SGCZ: variants seen among roughly 807,000 people sequenced by gnomAD.
SGCZ encodes zeta-sarcoglycan.
Under a neutral mutation model 41.3 loss-of-function variants are expected in SGCZ, and 40 were observed. The observed-to-expected ratio is 0.97, with a 90% CI of 0.75 to 1.26. The LOEUF is 1.26. Among genes scored for constraint, SGCZ ranks in the 50% most tolerant of loss-of-function variants. The pLI is 0.00. For synonymous variants in SGCZ, 206 were observed against 137.5 expected, an observed-to-expected ratio of 1.50 and a Z score of -3.49; for missense variants, 552 against 369.8, an observed-to-expected ratio of 1.49 and a Z score of -4.04.
chr8:14,818,626 T>C (rs1801976524), intron 1 of SGCZ, among the ~76,000 whole-genome samples: 1 of 152,026 alleles, frequency 6.6e-6, no homozygotes, highest in African/African-American at 2.4e-5. Flanking sequence ...GAATTCAAAC[T>C]GATAATCTTA....
chr8:14,529,308 T>A, intron 2 of SGCZ, among the ~76,000 whole-genome samples: 1 of 152,178 alleles, frequency 6.6e-6, no homozygotes, highest in East Asian at 1.9e-4. Context: ...CCAGCACACC[T>A]GCTTGACTCC....
intron 2 of SGCZ, among the ~76,000 whole-genome samples, chr8:14,376,623 T>A (rs1485247750): frequency 6.6e-6 from 1 of 152,134 alleles, no homozygotes; most frequent in Non-Finnish European, 1.5e-5. Context: ...CTACATAAGT[T>A]GTTCCAGAGC....
At position 14,222,792 on chromosome 8, in the gene SGCZ, A is replaced by ATTT. The variant is rs775444301; in HGVS notation, c.424+14797_424+14799dup. ...ATTCCACCCTCTCTCAGTCACAGTG[A>ATTT]TTTTTTTTTTTTTTTTTTTTTTTTT... is the stretch of plus-strand genomic sequence containing the variant. On this transcript the variant is annotated intron_variant, in intron 4 of 7. Coordinates refer to ENST00000382080, the MANE Select transcript of SGCZ (RefSeq NM_139167.4). 2.9e-4 allele frequency among the ~76,000 whole-genome samples: 14 copies of ATTT among 48,896 alleles called. 3 individuals carry two copies. Among genetic ancestry groups the ATTT allele is most frequent in the South Asian group, 2.4e-3 (2 of 842 alleles). The allele number at this position is 48,896 out of a possible 152,430, so 32.1% of individuals were successfully genotyped here. A position where few individuals can be genotyped will look rare whatever the true frequency, so the allele number is the denominator to read the frequency against.
At chr8:14,932,046 T>A (rs1320749417) in intron 1 of SGCZ, among the ~76,000 whole-genome samples, 2 of 151,970 alleles carry the variant, frequency 1.3e-5, no homozygotes, top group Admixed American at 1.3e-4. Context: ...ATTTTTTCAG[T>A]ATTTATAATT....
At chr8:14,696,127 A>G (rs374712774) in intron 1 of SGCZ, among the ~76,000 whole-genome samples, 3 of 152,104 alleles carry the variant, frequency 2.0e-5, no homozygotes, top group African/African-American at 7.2e-5. Flanking sequence ...AGAAAATTGC[A>G]TTTTTCTAAA....
At chr8:14,962,444 A>G (rs548630183) in intron 1 of SGCZ, among the ~76,000 whole-genome samples, 11 of 151,998 alleles carry the variant, frequency 7.2e-5, no homozygotes, top group Non-Finnish European at 7.4e-5. Flanking sequence ...AGAAAAATGA[A>G]TGTGTGTTCT....
chr8:14,813,254 G>A (rs1459938325), intron 1 of SGCZ, among the ~76,000 whole-genome samples: 1 of 151,820 alleles, frequency 6.6e-6, no homozygotes, highest in Non-Finnish European at 1.5e-5. Flanking sequence ...TCAATATACA[G>A]GAATACATGT....
At chr8:14,389,664 G>A (rs1804695294) in intron 2 of SGCZ, among the ~76,000 whole-genome samples, 1 of 151,884 alleles carries the variant, frequency 6.6e-6, no homozygotes, top group Non-Finnish European at 1.5e-5. Context: ...TTAAGAATAT[G>A]TTTTAGTAAG....
At chr8:15,012,785 TTATG>T (rs941131518) in intron 1 of SGCZ, among the ~76,000 whole-genome samples, 15 of 149,118 alleles carry the variant, frequency 1.0e-4, no homozygotes, top group African/African-American at 3.4e-4. Context: ...ATATATTTAT[TTATG>T]TGTGTGTGCA....
chr8:15,081,608 G>T (rs891792181), intron 1 of SGCZ, among the ~76,000 whole-genome samples: 6 of 152,084 alleles, frequency 3.9e-5, no homozygotes, highest in Middle Eastern at 3.2e-3. Context: ...AAGTAGAGGG[G>T]AAGAATAAAC....
intron 1 of SGCZ, among the ~76,000 whole-genome samples, chr8:15,186,554 G>A (rs1053258697): frequency 8.5e-5 from 13 of 152,152 alleles, no homozygotes; most frequent in African/African-American, 2.6e-4. Flanking sequence ...CATTACCCTT[G>A]GAGCTTTGAA....
At chr8:14,804,003 C>A (rs1461048150) in intron 1 of SGCZ, among the ~76,000 whole-genome samples, 1 of 123,114 alleles carries the variant, frequency 8.1e-6, no homozygotes, top group African/African-American at 3.7e-5. Flanking sequence ...TTCCAACAGA[C>A]CTGCACCTGA....
intron 1 of SGCZ, among the ~76,000 whole-genome samples, chr8:14,847,176 A>G (rs948511692): frequency 6.8e-6 from 1 of 146,532 alleles, no homozygotes; most frequent in African/African-American, 2.6e-5. Context: ...AAGAAGAAGA[A>G]GAAGAAGAAG....
chr8:14,573,287 TC>T (rs1358902902), intron 1 of SGCZ, among the ~76,000 whole-genome samples: 1 of 130,216 alleles, frequency 7.7e-6, no homozygotes, highest in African/African-American at 2.9e-5. Context: ...AAGCTCCGCC[TC>T]CCGGGTTCAA....
At chr8:14,929,061 G>A (rs534780507) in intron 1 of SGCZ, among the ~76,000 whole-genome samples, 1 of 151,914 alleles carries the variant, frequency 6.6e-6, no homozygotes, top group South Asian at 2.1e-4. Flanking sequence ...GCATGATCTC[G>A]GCTCACTGCG....
intron 5 of SGCZ, among the ~76,000 whole-genome samples, chr8:14,112,943 A>G (rs1456338267): frequency 1.3e-5 from 2 of 152,142 alleles, no homozygotes; most frequent in Non-Finnish European, 2.9e-5. Context: ...ATTAATTGGC[A>G]TTTATTGTAT....
At chr8:14,388,394 A>G (rs1367706069) in intron 2 of SGCZ, among the ~76,000 whole-genome samples, 1 of 152,114 alleles carries the variant, frequency 6.6e-6, no homozygotes, top group Non-Finnish European at 1.5e-5. Context: ...ACTTTGCTAT[A>G]AGAATGAAAA....
At chr8:14,357,618 A>G (rs1388838584) in intron 2 of SGCZ, among the ~76,000 whole-genome samples, 1 of 152,138 alleles carries the variant, frequency 6.6e-6, no homozygotes, top group Non-Finnish European at 1.5e-5. Flanking sequence ...CTTAACATCA[A>G]CTTTCCCTGG....
intron 2 of SGCZ, among the ~76,000 whole-genome samples, chr8:14,458,975 A>G (rs1169831181): frequency 6.6e-6 from 1 of 152,236 alleles, no homozygotes; most frequent in Non-Finnish European, 1.5e-5. Flanking sequence ...AAAAGGACAT[A>G]GTGGCCAACT....
Sources: allele counts gnomAD v4.1 joint callset (sites outside exome capture counted in the v4.1 genomes callset), GRCh38; gene constraint gnomAD v4.1.1; transcripts MANE v1.5; gene names NCBI Gene and HGNC (gene_info 2026-07-23, HGNC 2026-07-21).